ZBTB20: variants seen among roughly 807,000 people sequenced by gnomAD.
ZBTB20 encodes zinc finger and BTB domain containing 20, also known as zinc finger and BTB domain-containing protein 20.
Under a neutral mutation model 56.9 loss-of-function variants are expected in ZBTB20, and 9 were observed. The ratio of observed to expected loss-of-function variants is 0.16; its 90% CI spans 0.10 to 0.28. The LOEUF is 0.28. ZBTB20 is among the 10% of genes least tolerant of loss of function. The pLI is 1.00. For missense variants in ZBTB20, 655 were observed against 1,003.0 expected (o/e 0.65, Z 4.69); for synonymous variants, 417 against 420.7 (o/e 0.99, Z 0.11).
intron 6 of ZBTB20, among the ~76,000 whole-genome samples, chr3:114,518,158 G>A (rs1430137815): frequency 6.6e-6 from 1 of 152,056 alleles, no homozygotes; most frequent in African/African-American, 2.4e-5. Context: ...CTGGGGTATG[G>A]GTATTGGTTT....
chr3:114,927,958 T>C (rs748855523), intron 3 of ZBTB20, among the ~76,000 whole-genome samples: 3 of 152,232 alleles, frequency 2.0e-5, no homozygotes, highest in South Asian at 2.1e-4. Context: ...TACCCCTGGA[T>C]GTAACACTAT....
intron 3 of ZBTB20, among the ~76,000 whole-genome samples, chr3:114,907,597 G>T (rs2075369454): frequency 1.3e-5 from 2 of 151,848 alleles, no homozygotes; most frequent in Non-Finnish European, 2.9e-5. Context: ...GTGATAAACT[G>T]TGATTTTAGT....
chr3:114,385,728 A>G (rs1262204512), intron 8 of ZBTB20, among the ~76,000 whole-genome samples: 1 of 152,108 alleles, frequency 6.6e-6, no homozygotes, highest in African/African-American at 2.4e-5. Context: ...TTAGCTGGGC[A>G]TGGTGGTGCA....
chr3:115,087,022 G>T (rs780510650), intron 1 of ZBTB20, among the ~76,000 whole-genome samples: 1 of 151,770 alleles, frequency 6.6e-6, no homozygotes, highest in African/African-American at 2.4e-5. Context: ...GGTGATACTA[G>T]GGCCAAATAG....
At chr3:114,652,943 T>G (rs894434775) in intron 6 of ZBTB20, among the ~76,000 whole-genome samples, 1 of 151,972 alleles carries the variant, frequency 6.6e-6, no homozygotes, top group Non-Finnish European at 1.5e-5. Context: ...CATTTTCAAA[T>G]TATTTGCCGG....
chr3:114,645,893 TG>T (rs2059808125), intron 6 of ZBTB20, among the ~76,000 whole-genome samples: 1 of 152,098 alleles, frequency 6.6e-6, no homozygotes, highest in South Asian at 2.1e-4. Context: ...AAACAAATTA[TG>T]TTGCTTCGAG....
intron 7 of ZBTB20, among the ~76,000 whole-genome samples, chr3:114,464,948 T>C (rs939298943): frequency 3.9e-5 from 6 of 152,140 alleles, no homozygotes; most frequent in Admixed American, 2.6e-4. Flanking sequence ...CAGGAGTTTG[T>C]AGATGTTCTC....
At chr3:115,045,739 A>G (rs914895857) in intron 2 of ZBTB20, among the ~76,000 whole-genome samples, 1 of 152,128 alleles carries the variant, frequency 6.6e-6, no homozygotes, top group African/African-American at 2.4e-5. Context: ...AGTAAAGAAA[A>G]TATTTTCAGA....
chr3:114,661,739 T>A (rs2060735746), intron 6 of ZBTB20, among the ~76,000 whole-genome samples: 1 of 152,048 alleles, frequency 6.6e-6, no homozygotes, highest in Non-Finnish European at 1.5e-5. Context: ...TCTACTCATG[T>A]GAATAAATAA....
chr3:114,350,200 C>T (rs1241432386), intron 11 of ZBTB20, 74 bp downstream of exon 11: 36 of 1,523,340 alleles, frequency 2.4e-5, no homozygotes, highest in Middle Eastern at 1.8e-4. Flanking sequence ...TTCCCTTCTA[C>T]CTGCTCTCTT....
At chr3:115,131,095 A>C (rs995055063) in intron 1 of ZBTB20, among the ~76,000 whole-genome samples, 1 of 152,148 alleles carries the variant, frequency 6.6e-6, no homozygotes, top group African/African-American at 2.4e-5. Flanking sequence ...ATTCAAATAT[A>C]CCTAATTTTA....
At chr3:114,677,127 G>A (rs1412791838) in intron 6 of ZBTB20, among the ~76,000 whole-genome samples, 7 of 152,018 alleles carry the variant, frequency 4.6e-5, no homozygotes, top group Non-Finnish European at 1.0e-4. Flanking sequence ...AGCTCACCTC[G>A]GTCATCAGCT....
intron 6 of ZBTB20, among the ~76,000 whole-genome samples, chr3:114,631,169 T>C (rs1161975839): frequency 6.6e-6 from 1 of 152,076 alleles, no homozygotes; most frequent in Non-Finnish European, 1.5e-5. Flanking sequence ...TTGACCTAAA[T>C]GTATGCATCA....
At chr3:114,349,117 T>C (rs539262590) in intron 11 of ZBTB20, among the ~76,000 whole-genome samples, 1 of 151,784 alleles carries the variant, frequency 6.6e-6, no homozygotes, top group Admixed American at 6.6e-5. Context: ...GGAGGATTGC[T>C]TCAGTCCGGG....
At chr3:115,093,703 C>T (rs953420030) in intron 1 of ZBTB20, among the ~76,000 whole-genome samples, 10 of 152,016 alleles carry the variant, frequency 6.6e-5, no homozygotes, top group Non-Finnish European at 1.3e-4. Context: ...GAAATCTGTC[C>T]ACCAACTATA....
chr3:114,496,912 T>C (rs898142212), intron 7 of ZBTB20, among the ~76,000 whole-genome samples: 2 of 152,134 alleles, frequency 1.3e-5, no homozygotes, highest in Non-Finnish European at 2.9e-5. Flanking sequence ...ATCTGCCTGC[T>C]CCTCCCTCAC....
chr3:114,536,301 C>T (rs920485961), intron 6 of ZBTB20, among the ~76,000 whole-genome samples: 26 of 152,232 alleles, frequency 1.7e-4, no homozygotes, highest in Non-Finnish European at 2.8e-4. Flanking sequence ...AGCAAAGTCT[C>T]AGGATACAAA....
chr3:115,132,361 T>A (rs1044850149), intron 1 of ZBTB20, among the ~76,000 whole-genome samples: 4 of 152,186 alleles, frequency 2.6e-5, no homozygotes, highest in Non-Finnish European at 4.4e-5. Flanking sequence ...AGAGTTGTTT[T>A]CATCTTATCT....
chr3:114,812,395 C>G (rs918222999), intron 4 of ZBTB20, among the ~76,000 whole-genome samples: 2 of 152,070 alleles, frequency 1.3e-5, no homozygotes, highest in African/African-American at 2.4e-5. Context: ...TACAGAGTGT[C>G]GACTGGTGCA....
Sources: gnomAD v4.1 joint callset for allele counts (sites outside exome capture counted in the v4.1 genomes callset) on GRCh38, gnomAD v4.1.1 for gene constraint, MANE v1.5 for transcripts, NCBI Gene and HGNC (gene_info 2026-07-23, HGNC 2026-07-21) for gene names.